Variants in PRKCH observed in about 807,000 individuals in gnomAD.
PRKCH encodes the protein protein kinase C eta.
In PRKCH, 28 loss-of-function variants were observed where a neutral mutation model predicts 82.5. The ratio of observed to expected loss-of-function variants is 0.34; its 90% CI spans 0.25 to 0.47. The LOEUF is 0.47. Ranked by LOEUF, PRKCH falls within the 20% of genes least tolerant of loss-of-function variation. PRKCH has a pLI of 1.00. For synonymous variants in PRKCH, 322 were observed against 327.4 expected (o/e 0.98, Z 0.18); for missense variants, 705 against 881.8 (o/e 0.80, Z 2.54).
chr14:61,449,024 A>G, intron 4 of PRKCH, 140 bp from the exon 5 acceptor site: 1 of 697,554 alleles, frequency 1.4e-6, no homozygotes, highest in East Asian at 2.7e-5. Context: ...GGCAATAGGA[A>G]GGATGGGCGC....
At chr14:61,547,663 C>A in intron 12 of PRKCH, 80 bp from the exon 13 acceptor site, 1 of 1,525,688 alleles carries the variant, frequency 6.6e-7, no homozygotes, top group South Asian at 1.2e-5. Context: ...AGCTCCTCTG[C>A]CATGGCTGAT....
intron 1 of PRKCH, among the ~76,000 whole-genome samples, chr14:61,209,527 T>C (rs2044553173): frequency 6.6e-6 from 1 of 151,104 alleles, no homozygotes; most frequent in Non-Finnish European, 1.5e-5. Flanking sequence ...AAGCAATGAG[T>C]AGGGACAAGC....
chr14:61,510,408 T>C (rs1258851121), intron 10 of PRKCH, among the ~76,000 whole-genome samples: 1 of 150,380 alleles, frequency 6.6e-6, no homozygotes, highest in Non-Finnish European at 1.5e-5. Flanking sequence ...CCAGTAATGG[T>C]GGGAAGAGAA....
intron 1 of PRKCH, among the ~76,000 whole-genome samples, chr14:61,250,774 C>T (rs1453688869): frequency 2.6e-5 from 4 of 151,918 alleles, no homozygotes; most frequent in South Asian, 4.2e-4. Context: ...TCGATTGTAA[C>T]AAATGTACCA....
rs753144278 is a variant in PRKCH at position 61,547,724 on chromosome 14, TTCTCTC to T, written c.1762-12_1762-7del. On this transcript the variant is annotated splice_polypyrimidine_tract_variant and intron_variant, in intron 12 of 13. Transcript: ENST00000332981. The stretch of plus-strand genomic sequence containing the variant: ...TGTATGTGAATGAATGATTGACACT[TTCTCTC>T]TCTCTCACTCAGTTCATGACCAAGA... The T allele has an allele frequency of 1.9e-6, 3 of 1,606,246 alleles. No individual in the cohort carries two copies. Among genetic ancestry groups the T allele is most frequent in the East Asian group, 2.2e-5 (1 of 44,638 alleles).
At chr14:61,346,144 A>G (rs573050236) in intron 1 of PRKCH, among the ~76,000 whole-genome samples, 5 of 152,308 alleles carry the variant, frequency 3.3e-5, no homozygotes, top group Admixed American at 3.3e-4. Flanking sequence ...ACAGCTCCCC[A>G]AATGGACATG....
intron 2 of PRKCH, among the ~76,000 whole-genome samples, chr14:61,416,502 T>C (rs1003396626): frequency 1.8e-4 from 27 of 152,344 alleles, no homozygotes; most frequent in Middle Eastern, 3.4e-3. Context: ...GGATTTTGTT[T>C]ATGTTGAAAA....
intron 1 of PRKCH, among the ~76,000 whole-genome samples, chr14:61,261,843 T>C (rs1211576030): frequency 6.6e-6 from 1 of 152,126 alleles, no homozygotes; most frequent in Non-Finnish European, 1.5e-5. Context: ...TAAACAGGCA[T>C]CTACCCTACA....
chr14:61,322,540 T>G, intron 1 of PRKCH, 76 bp downstream of exon 1: 4 of 1,497,902 alleles, frequency 2.7e-6, no homozygotes, highest in Non-Finnish European at 3.6e-6. Flanking sequence ...CTCACCCGGG[T>G]CCCGCTTTCC....
intron 9 of PRKCH, among the ~76,000 whole-genome samples, chr14:61,472,127 G>A (rs1211249117): frequency 6.6e-6 from 1 of 152,206 alleles, no homozygotes; most frequent in Non-Finnish European, 1.5e-5. Context: ...TAATGTGAGT[G>A]AGGGCTGGCA....
intron 9 of PRKCH, among the ~76,000 whole-genome samples, chr14:61,466,097 G>A (rs145276831): frequency 7.9e-5 from 12 of 152,188 alleles, no homozygotes; most frequent in East Asian, 5.8e-4. Flanking sequence ...TGGCAGACCC[G>A]TTCCCCTCCC....
intron 1 of PRKCH, among the ~76,000 whole-genome samples, chr14:61,248,379 CA>C (rs919417901): frequency 3.3e-5 from 5 of 152,248 alleles, no homozygotes; most frequent in African/African-American, 1.2e-4. Flanking sequence ...AATCATTAGT[CA>C]GAAAAAGGAT....
chr14:61,262,331 T>C (rs1309913917), intron 1 of PRKCH, among the ~76,000 whole-genome samples: 1 of 151,832 alleles, frequency 6.6e-6, no homozygotes, highest in Non-Finnish European at 1.5e-5. Context: ...TGCATATTCA[T>C]ACAACAAAAC....
At chr14:61,529,840 G>A (rs1029466219) in intron 11 of PRKCH, among the ~76,000 whole-genome samples, 7 of 150,834 alleles carry the variant, frequency 4.6e-5, no homozygotes, top group African/African-American at 1.7e-4. Context: ...CACCAGCATG[G>A]CACATGTATA....
chr14:61,236,900 A>G (rs1383288548), intron 1 of PRKCH, among the ~76,000 whole-genome samples: 1 of 151,796 alleles, frequency 6.6e-6, no homozygotes, highest in Non-Finnish European at 1.5e-5. Flanking sequence ...TGAATAATCC[A>G]CCCATTGTTT....
chr14:61,232,904 C>T (rs528590577), intron 1 of PRKCH, among the ~76,000 whole-genome samples: 18 of 152,196 alleles, frequency 1.2e-4, no homozygotes, highest in African/African-American at 4.3e-4. Context: ...AACTCATTAG[C>T]ACAGAAAAAG....
chr14:61,509,203 C>T (rs944130606), intron 10 of PRKCH, among the ~76,000 whole-genome samples: 2 of 152,188 alleles, frequency 1.3e-5, no homozygotes, highest in East Asian at 1.9e-4. Context: ...GTAAATTACG[C>T]GTAAATATGT....
At chr14:61,289,019 C>T (rs2045338732) in intron 1 of PRKCH, among the ~76,000 whole-genome samples, 1 of 152,224 alleles carries the variant, frequency 6.6e-6, no homozygotes, top group African/African-American at 2.4e-5. Flanking sequence ...GGCAGGCCAT[C>T]TTCAGCAAGG....
At chr14:61,520,797 A>G (rs1439740485) in intron 10 of PRKCH, among the ~76,000 whole-genome samples, 1 of 152,216 alleles carries the variant, frequency 6.6e-6, no homozygotes, top group South Asian at 2.1e-4. Context: ...TGGGAATATA[A>G]ATTGATGCAA....
Sources: gnomAD v4.1 joint callset for allele counts (sites outside exome capture counted in the v4.1 genomes callset) on GRCh38, gnomAD v4.1.1 for gene constraint, MANE v1.5 for transcripts, NCBI Gene and HGNC (gene_info 2026-07-23, HGNC 2026-07-21) for gene names.